The following ARMC9 variants were observed in gnomAD, a reference collection of about 807,000 sequenced individuals.
The protein encoded by ARMC9 is armadillo repeat containing 9.
In ARMC9, 94 loss-of-function variants were observed where a neutral mutation model predicts 107.0. The ratio of observed to expected loss-of-function variants is 0.88; its 90% CI spans 0.74 to 1.04. The LOEUF (loss-of-function observed/expected upper bound fraction) is 1.04, where lower values mean the gene tolerates loss of function less well. ARMC9 is among the 50% of genes least tolerant of loss of function. The pLI, the probability that ARMC9 is intolerant of heterozygous loss-of-function variation, is 0.00. For missense variants in ARMC9, 942 were observed against 1,030.1 expected (o/e 0.91, Z 1.17); for synonymous variants, 380 against 396.9 (o/e 0.96, Z 0.51).
intron 7 of ARMC9, among the ~76,000 whole-genome samples, chr2:231,228,888 C>G (rs2034935099): frequency 6.6e-6 from 1 of 152,060 alleles, no homozygotes; most frequent in Non-Finnish European, 1.5e-5. Context: ...GTCCCCCTAG[C>G]ATACACTGCA....
rs1292703792 is a variant in ARMC9 at position 231,358,146 on chromosome 2, G to A, written c.2131+2212G>A. ...GTGCTCCATCTGGGCTTTGCAGATA[G>A]GGGGACTGCGGTTAAGTCCATTAAG... On this transcript the variant is annotated intron_variant, in intron 22 of 24. Transcript: ENST00000611582. The surrounding 1 kb of genome is among the most constrained non-coding windows in gnomAD (Gnocchi z 4.5). Among the ~76,000 whole-genome samples, 1 of 152,158 alleles carries A rather than the reference G, an allele frequency of 6.6e-6. No homozygotes were observed. Among genetic ancestry groups the A allele is most frequent in the Non-Finnish European group, 1.5e-5 (1 of 68,036 alleles).
At chr2:231,216,008 G>C (rs1397899052) in intron 4 of ARMC9, among the ~76,000 whole-genome samples, 1 of 152,206 alleles carries the variant, frequency 6.6e-6, no homozygotes, top group African/African-American at 2.4e-5. Context: ...TAGAGCCAGT[G>C]TGGGAGCAAA....
intron 17 of ARMC9, among the ~76,000 whole-genome samples, chr2:231,283,803 G>A (rs1406987476): frequency 6.6e-6 from 1 of 152,142 alleles, no homozygotes; most frequent in African/African-American, 2.4e-5. Context: ...TGATAGTAGT[G>A]CACACTGCAG....
rs1487282999 is a variant in ARMC9 at position 231,370,257 on chromosome 2, C to T, written c.2434+132C>T. The stretch of plus-strand genomic sequence containing the variant: ...CCAGGCCAGAAGGGCAGAAGGCCTG[C>T]TTCCCTTCCCCACACAACCAGGCCC... On this transcript the variant is annotated intron_variant, in intron 24 of 24. Coordinates refer to ENST00000611582, the MANE Select transcript of ARMC9 (RefSeq NM_001352754.2). The T allele has an allele frequency of 2.8e-6, 3 of 1,059,518 alleles. No homozygotes were observed. In the African/African-American group the frequency reaches 4.9e-5, roughly 17 times the overall value. 65.6% of individuals were successfully genotyped at this position (1,059,518 alleles called of 1,614,324 possible). A position where few individuals can be genotyped will look rare whatever the true frequency, so the allele number is the denominator to read the frequency against.
At chr2:231,237,175 C>CGTGTGTGTGTGTGTGTGTGT (rs58607252) in intron 8 of ARMC9, among the ~76,000 whole-genome samples, 11 of 148,804 alleles carry the variant, frequency 7.4e-5, no homozygotes, top group African/African-American at 2.5e-4. Flanking sequence ...TCTGCGTATG[C>CGTGTGTGTGTGTGTGTGTGT]GTGTGTGTGT....
chr2:231,280,843 C>T (rs1039743692), intron 16 of ARMC9, among the ~76,000 whole-genome samples: 3 of 152,168 alleles, frequency 2.0e-5, no homozygotes, highest in Non-Finnish European at 2.9e-5. Context: ...TTCACAGAAT[C>T]GTGCTGCCCC....
intron 8 of ARMC9, among the ~76,000 whole-genome samples, chr2:231,236,979 G>C (rs1251980333): frequency 6.6e-6 from 1 of 152,180 alleles, no homozygotes; most frequent in African/African-American, 2.4e-5. Context: ...TGGGTCAGAG[G>C]AGGAAAGCTG....
At chr2:231,321,782 G>A (rs753883607) in intron 19 of ARMC9, among the ~76,000 whole-genome samples, 4 of 152,100 alleles carry the variant, frequency 2.6e-5, no homozygotes, top group Non-Finnish European at 5.9e-5. Flanking sequence ...GGTGTCTGTG[G>A]TACTGCTGGG....
At chr2:231,251,093 A>G (rs1033463445) in intron 9 of ARMC9, among the ~76,000 whole-genome samples, 7 of 152,124 alleles carry the variant, frequency 4.6e-5, no homozygotes, top group African/African-American at 1.7e-4. Flanking sequence ...CAGCTGTGGG[A>G]TGGAATCAGT....
chr2:231,255,332 C>T lies in ARMC9; in HGVS notation c.880-1254C>T, dbSNP rs900524857. On this transcript the variant is annotated intron_variant, in intron 9 of 24. Transcript: ENST00000611582. The surrounding 1 kb of genome is among the most constrained non-coding windows in gnomAD (Gnocchi z 4.7). ...AGGGGTTGTTAATGTTTTTTAAACACGTGTAGAAAATGTTTGACTTGGTAC... is the reference window on the plus strand; with the variant it reads ...AGGGGTTGTTAATGTTTTTTAAACATGTGTAGAAAATGTTTGACTTGGTAC... Among the ~76,000 whole-genome samples the T allele has an allele frequency of 5.3e-5, 8 of 151,952 alleles. No individual in the cohort carries two copies. The highest frequency in any genetic ancestry group is 1.0e-4 in the Non-Finnish European group (7 of 67,994).
At chr2:231,292,239 G>A (rs1252061251) in intron 18 of ARMC9, among the ~76,000 whole-genome samples, 1 of 150,294 alleles carries the variant, frequency 6.7e-6, no homozygotes, top group African/African-American at 2.5e-5. Context: ...ATCTCTTATC[G>A]TACTCTAGGC....
Position 231,345,083 on chromosome 2 carries a change from T to C in ARMC9, c.1987T>C (p.Tyr663His). ...CACCCCCGGCGGCCACAGAAACGGG[T>C]ACCCAGTGTAAGTCAGGGCTAAAGG... ...PVTPGGHRNGYPVVEDQHTPP... is the reference protein window; with the variant it reads ...PVTPGGHRNGHPVVEDQHTPP... Residue 663 changes from tyrosine to histidine, a missense_variant, in exon 21 of 25, where the codon TAC (tyrosine) becomes CAC (histidine). Physicochemically the swap from Tyr to His is moderately conservative, Grantham distance 83. Coordinates refer to ENST00000611582, the MANE Select transcript of ARMC9 (RefSeq NM_001352754.2). 6 of 1,613,700 alleles carry C rather than the reference T, an allele frequency of 3.7e-6. No homozygotes were observed. Among genetic ancestry groups the C allele is most frequent in the Non-Finnish European group, 2.5e-6 (3 of 1,179,884 alleles).
intron 23 of ARMC9, among the ~76,000 whole-genome samples, chr2:231,365,899 A>G (rs1382082866): frequency 6.6e-6 from 1 of 152,166 alleles, no homozygotes; most frequent in Non-Finnish European, 1.5e-5. Context: ...CCCGGGTTCA[A>G]GCGATTCTCC....
chr2:231,325,551 C>T (rs1016176058), intron 19 of ARMC9, among the ~76,000 whole-genome samples: 1 of 152,192 alleles, frequency 6.6e-6, no homozygotes, highest in African/African-American at 2.4e-5. Context: ...GCCTCTGAGG[C>T]TCTGTCCCCT....
chr2:231,243,479 G>A (rs1475650610), intron 9 of ARMC9, among the ~76,000 whole-genome samples: 3 of 152,180 alleles, frequency 2.0e-5, no homozygotes, highest in African/African-American at 7.2e-5. Context: ...GTACAACACA[G>A]CTGGTTATCC....
rs1316265109 is a variant in ARMC9, at chr2:231,345,190, A to AT, written c.1994+104dup. ...TTTTAAAATTCAAAATAAAGCATTC[A>AT]TTTTGAAAAGCATTTATCTCTTTAT... On this transcript the variant is annotated intron_variant, in intron 21 of 24. Coordinates refer to ENST00000611582, the MANE Select transcript of ARMC9 (RefSeq NM_001352754.2). The AT allele has an allele frequency of 3.9e-6, 6 of 1,548,848 alleles. No homozygotes were observed. The African/African-American group carries it at 8.5e-5, about 22-fold the overall frequency.
intron 19 of ARMC9, among the ~76,000 whole-genome samples, chr2:231,317,527 GT>G (rs561804646): frequency 0.019 from 2,708 of 143,098 alleles, 40 homozygotes; most frequent in East Asian, 0.056. Context: ...TTGTTTTGGG[GT>G]TTTTTTTTTT....
intron 7 of ARMC9, among the ~76,000 whole-genome samples, chr2:231,234,845 A>G (rs1282645374): frequency 6.6e-6 from 1 of 152,198 alleles, no homozygotes; most frequent in Admixed American, 6.5e-5. Flanking sequence ...GCCTCAAGTG[A>G]TCTGCCCGCC....
At position 231,366,161 on chromosome 2, in the gene ARMC9, C is replaced by T. The variant is rs115977258; in HGVS notation, c.2262-3792C>T. ...GGCTGGAGAGTCAGGGGAGAGTTGC[C>T]GTTCAAGTCCAAAGGCCATCAGTTG... On this transcript the variant is annotated intron_variant, in intron 23 of 24. Coordinates refer to ENST00000611582, the MANE Select transcript of ARMC9 (RefSeq NM_001352754.2). Among the ~76,000 whole-genome samples, 1,188 of 152,246 alleles carry T rather than the reference C, an allele frequency of 7.8e-3. 15 individuals are homozygous for T. Among genetic ancestry groups the T allele is most frequent in the African/African-American group, 0.027 (1,132 of 41,512 alleles).
Sources: gnomAD v4.1 joint callset for allele counts (sites outside exome capture counted in the v4.1 genomes callset) on GRCh38, gnomAD v4.1.1 for gene constraint, Gnocchi (gnomAD v3.1) non-coding constraint, MANE v1.5 for transcripts, NCBI Gene and HGNC (gene_info 2026-07-23, HGNC 2026-07-21) for gene names.